The following THTPA variants were observed in gnomAD, a reference collection of about 807,000 sequenced individuals.
THTPA encodes the protein thiamine triphosphatase.
Under a neutral mutation model 16.5 loss-of-function variants are expected in THTPA, and 16 were observed. The ratio of observed to expected loss-of-function variants is 0.97; its 90% CI spans 0.66 to 1.47. The LOEUF (loss-of-function observed/expected upper bound fraction) is 1.47. THTPA is among the 40% of genes most tolerant of loss of function. The probability of loss-of-function intolerance (pLI) is 0.00; values close to 1 mark genes in which losing one functional copy is unlikely to be tolerated. For missense variants in THTPA, 281 were observed against 280.9 expected (o/e 1.00, Z 0.00); for synonymous variants, 110 against 115.5 (o/e 0.95, Z 0.30).
chr14:23,526,457 G>A, the THTPA span: 1 of 1,536,162 alleles, frequency 6.5e-7, no homozygotes, highest in Non-Finnish European at 8.7e-7. Context: ...AGCTGGAGCT[G>A]GCTCTGCAGA....
chr14:23,543,139 G>A, the THTPA span: 4 of 152,350 alleles, frequency 2.6e-5, no homozygotes, highest in South Asian at 8.3e-4. Context: ...AAAACTAATT[G>A]TAATAATAGT....
the THTPA span, chr14:23,534,094 T>C: frequency 6.7e-7 from 1 of 1,499,438 alleles, no homozygotes; most frequent in Non-Finnish European, 8.9e-7. The surrounding 1 kb of genome is among the most constrained non-coding windows in gnomAD (Gnocchi z 4.5). Context: ...GTCACTGGGG[T>C]CTTCGGGGGA....
At position 23,559,047 on chromosome 14, in the gene THTPA, C is replaced by A; in HGVS notation, c.*207C>A. 1.7e-6 allele frequency: 1 copy of A among 602,648 alleles called. No individual in the cohort carries two copies. Among genetic ancestry groups the A allele is most frequent in the East Asian group, 3.0e-5 (1 of 33,812 alleles). 37.3% of individuals were successfully genotyped at this position (602,648 alleles called of 1,614,324 possible). A position where few individuals can be genotyped will look rare whatever the true frequency, so the allele number is the denominator to read the frequency against. On this transcript the variant is annotated 3_prime_UTR_variant, in exon 2 of 2. Coordinates refer to ENST00000288014, the MANE Select transcript of THTPA (RefSeq NM_024328.6). ...TCATCCGTCAGATGCAATCTGTGGGCCGCCCCTCTCCCCTGGCCGCTAAGC... is the reference window on the plus strand; with the variant it reads ...TCATCCGTCAGATGCAATCTGTGGGACGCCCCTCTCCCCTGGCCGCTAAGC...
At chr14:23,534,209 C>G in the THTPA span, 1 of 1,496,282 alleles carries the variant, frequency 6.7e-7, no homozygotes, top group South Asian at 1.3e-5. The surrounding 1 kb of genome is among the most constrained non-coding windows in gnomAD (Gnocchi z 4.5). Flanking sequence ...GGGAACCAAT[C>G]TGGCCCTGCC....
At chr14:23,531,650 C>T in the THTPA span, 1 of 1,511,574 alleles carries the variant, frequency 6.6e-7, no homozygotes, top group Non-Finnish European at 8.8e-7. Flanking sequence ...AGGGTGTCTC[C>T]CACGCACACA....
chr14:23,525,254 C>G, the THTPA span: 5 of 1,536,076 alleles, frequency 3.3e-6, no homozygotes, highest in Non-Finnish European at 4.4e-6. The surrounding 1 kb of genome is among the most constrained non-coding windows in gnomAD (Gnocchi z 5.9). Flanking sequence ...TTCAGGGGCA[C>G]GGGTCCCCCC....
At chr14:23,548,514 G>A in the THTPA span, 2 of 152,220 alleles carry the variant, frequency 1.3e-5, no homozygotes, top group African/African-American at 2.4e-5. Flanking sequence ...CTGTCAGGTT[G>A]CCAAGGCAAT....
chr14:23,520,684 G>GC, the THTPA span, among the ~76,000 whole-genome samples: 617 of 152,144 alleles, frequency 4.1e-3, no homozygotes, highest in African/African-American at 0.014. This position sits in a 1 kb window ranked among gnomAD's most constrained non-coding sequence, Gnocchi z 8.7. Context: ...GCTGCGCATA[G>GC]CAGGGGAGGG....
chr14:23,537,140 A>G, the THTPA span, among the ~76,000 whole-genome samples: 1 of 152,088 alleles, frequency 6.6e-6, no homozygotes. Context: ...GGCAACAAGA[A>G]TGAAACTCCG....
At chr14:23,533,877 G>A in the THTPA span, 3 of 1,538,116 alleles carry the variant, frequency 2.0e-6, no homozygotes, top group Non-Finnish European at 2.6e-6. The surrounding 1 kb of genome is among the most constrained non-coding windows in gnomAD (Gnocchi z 4.8). Context: ...TGCAGTAGCT[G>A]CAGTGACTGT....
At chr14:23,533,082 G>A in the THTPA span, 2 of 1,523,180 alleles carry the variant, frequency 1.3e-6, no homozygotes, top group African/African-American at 2.7e-5. This position sits in a 1 kb window ranked among gnomAD's most constrained non-coding sequence, Gnocchi z 4.8. Context: ...AGGCTTCCAG[G>A]GGCTAGAGGA....
chr14:23,529,819 A>G, the THTPA span: 1 of 1,514,184 alleles, frequency 6.6e-7, no homozygotes, highest in Non-Finnish European at 8.9e-7. Context: ...CCTCAAGATG[A>G]TTTGTAGCAG....
the THTPA span, chr14:23,523,790 C>T: frequency 2.6e-6 from 4 of 1,536,244 alleles, no homozygotes; most frequent in Non-Finnish European, 3.5e-6. The surrounding 1 kb of genome is among the most constrained non-coding windows in gnomAD (Gnocchi z 4.1). Flanking sequence ...TCCAGGTCCC[C>T]CACTGGTCCC....
chr14:23,533,467 G>T, the THTPA span: 17 of 1,535,294 alleles, frequency 1.1e-5, no homozygotes, highest in Middle Eastern at 1.7e-4. The surrounding 1 kb of genome is among the most constrained non-coding windows in gnomAD (Gnocchi z 4.8). Context: ...AGCCCCTGGT[G>T]GGGGAGGAGG....
the THTPA span, chr14:23,525,895 A>C: frequency 7.1e-7 from 1 of 1,405,706 alleles, no homozygotes; most frequent in African/African-American, 1.8e-5. This position sits in a 1 kb window ranked among gnomAD's most constrained non-coding sequence, Gnocchi z 5.9. Context: ...CGGGCACCAG[A>C]GGGAAGGGGG....
rs1215023323 is a variant in THTPA, at chr14:23,556,452, G to A, written c.-306G>A. 7.0e-5 allele frequency: 25 copies of A among 355,782 alleles called. No homozygotes were observed. The highest frequency in any genetic ancestry group is 4.5e-4 in the South Asian group (10 of 22,020). 22.0% of individuals were successfully genotyped at this position (355,782 alleles called of 1,614,324 possible). ...GGCAAGGTGTAGAGAGGGGGGCGTT[G>A]AAAGGACACCCGCTACCCGGCCTGC... On this transcript the variant is annotated 5_prime_UTR_variant, in exon 1 of 2. Transcript: ENST00000288014.
chr14:23,525,657 C>T, the THTPA span: 212 of 1,535,286 alleles, frequency 1.4e-4, no homozygotes, highest in African/African-American at 1.2e-3. This position sits in a 1 kb window ranked among gnomAD's most constrained non-coding sequence, Gnocchi z 5.9. Flanking sequence ...GGCAATGGGT[C>T]GGGGGGTGAG....
At chr14:23,533,255 A>T in the THTPA span, 2 of 1,105,264 alleles carry the variant, frequency 1.8e-6, no homozygotes, top group Non-Finnish European at 2.4e-6. This position sits in a 1 kb window ranked among gnomAD's most constrained non-coding sequence, Gnocchi z 4.8. Flanking sequence ...CCTGGGGAGG[A>T]GAGAAGAGGG....
chr14:23,526,793 C>A, the THTPA span: 2 of 1,522,774 alleles, frequency 1.3e-6, no homozygotes, highest in East Asian at 4.9e-5. Flanking sequence ...ACCTTGTTGG[C>A]CCATGGAGTC....
Sources: gnomAD v4.1 joint callset for allele counts (sites outside exome capture counted in the v4.1 genomes callset) on GRCh38, gnomAD v4.1.1 for gene constraint, Gnocchi (gnomAD v3.1) non-coding constraint, MANE v1.5 for transcripts, NCBI Gene and HGNC (gene_info 2026-07-23, HGNC 2026-07-21) for gene names.